Variants in AFG2A observed in about 807,000 individuals in gnomAD.
AFG2A encodes ATPase family gene 2 protein homolog A.
At chr4:123,202,446 C>T in the AFG2A span, among the ~76,000 whole-genome samples, 4 of 151,868 alleles carry the variant, frequency 2.6e-5, no homozygotes, top group Non-Finnish European at 5.9e-5. Flanking sequence ...TTTTTTCTTT[C>T]CTCTTATTTT....
chr4:123,064,619 A>G, the AFG2A span, among the ~76,000 whole-genome samples: 123 of 152,338 alleles, frequency 8.1e-4, 1 homozygote, highest in African/African-American at 2.7e-3. Flanking sequence ...AAAAGTGCAG[A>G]CATGTAGGGT....
chr4:123,022,788 A>G, the AFG2A span, among the ~76,000 whole-genome samples: 2 of 152,140 alleles, frequency 1.3e-5, no homozygotes, highest in African/African-American at 4.8e-5. Flanking sequence ...ACCAACCCAA[A>G]TGTCCAACAA....
At chr4:123,246,394 T>C in the AFG2A span, among the ~76,000 whole-genome samples, 1 of 152,284 alleles carries the variant, frequency 6.6e-6, no homozygotes, top group East Asian at 1.9e-4. Flanking sequence ...CCAGAATCAT[T>C]TACTTTCTTC....
At chr4:123,068,880 C>A in the AFG2A span, among the ~76,000 whole-genome samples, 1 of 152,122 alleles carries the variant, frequency 6.6e-6, no homozygotes. Context: ...GAGACTCTTA[C>A]ATAATTTTAT....
At chr4:122,976,624 CT>C in the AFG2A span, among the ~76,000 whole-genome samples, 1 of 152,190 alleles carries the variant, frequency 6.6e-6, no homozygotes, top group Non-Finnish European at 1.5e-5. Flanking sequence ...CTAGCCTCCC[CT>C]TTTAGATCTC....
the AFG2A span, among the ~76,000 whole-genome samples, chr4:123,121,129 A>G: frequency 3.7e-4 from 57 of 152,108 alleles, no homozygotes; most frequent in East Asian, 6.4e-3. Flanking sequence ...AAGTAAAATA[A>G]TAAATAAAAT....
chr4:123,282,674 T>C, the AFG2A span, among the ~76,000 whole-genome samples: 1 of 152,080 alleles, frequency 6.6e-6, no homozygotes, highest in Non-Finnish European at 1.5e-5. Flanking sequence ...GACAGGGCTC[T>C]ATGACTGGCT....
chr4:122,966,520 C>T, the AFG2A span, among the ~76,000 whole-genome samples: 2,166 of 152,284 alleles, frequency 0.014, 56 homozygotes, highest in African/African-American at 0.05. Context: ...GTTCCCCCTG[C>T]TTGGAATAGT....
the AFG2A span, among the ~76,000 whole-genome samples, chr4:123,121,864 T>G: frequency 6.6e-6 from 1 of 152,362 alleles, no homozygotes; most frequent in Non-Finnish European, 1.5e-5. Context: ...CCTCTTGAAG[T>G]ATAATGAACC....
the AFG2A span, among the ~76,000 whole-genome samples, chr4:122,944,686 C>T: frequency 2.0e-5 from 3 of 151,338 alleles, no homozygotes; most frequent in East Asian, 1.9e-4. Flanking sequence ...TGAGGAACTG[C>T]GTTCCTTTGG....
At chr4:123,232,927 G>A in the AFG2A span, among the ~76,000 whole-genome samples, 4 of 151,980 alleles carry the variant, frequency 2.6e-5, no homozygotes, top group Non-Finnish European at 4.4e-5. Flanking sequence ...CAGGTGCTTC[G>A]CAGTTCCTAC....
the AFG2A span, among the ~76,000 whole-genome samples, chr4:123,077,720 GA>G: frequency 2.6e-5 from 4 of 152,168 alleles, no homozygotes; most frequent in Non-Finnish European, 5.9e-5. Flanking sequence ...CTTTGCCCCT[GA>G]GGGAGGTAGA....
chr4:123,289,682 T>C, the AFG2A span, among the ~76,000 whole-genome samples: 4 of 152,204 alleles, frequency 2.6e-5, no homozygotes, highest in African/African-American at 9.6e-5. Context: ...ATCTGTTGTT[T>C]TTCTGTTTTT....
At chr4:123,072,526 G>A in the AFG2A span, among the ~76,000 whole-genome samples, 1 of 152,136 alleles carries the variant, frequency 6.6e-6, no homozygotes, top group Non-Finnish European at 1.5e-5. Context: ...CTTTTGAGGA[G>A]ATTATTTTTA....
the AFG2A span, among the ~76,000 whole-genome samples, chr4:123,202,886 G>A: frequency 3.3e-5 from 5 of 152,088 alleles, no homozygotes; most frequent in Non-Finnish European, 7.4e-5. Context: ...AGCTGGGCAC[G>A]ATGGCTTGCA....
At chr4:123,256,261 TGAG>T in the AFG2A span, 1 of 1,500,502 alleles carries the variant, frequency 6.7e-7, no homozygotes, top group Non-Finnish European at 9.1e-7. Context: ...TTGCTTGCCC[TGAG>T]GTGTTTTAAA....
At chr4:123,125,818 A>G in the AFG2A span, among the ~76,000 whole-genome samples, 1 of 152,124 alleles carries the variant, frequency 6.6e-6, no homozygotes, top group African/African-American at 2.4e-5. Flanking sequence ...AAAATTTGAA[A>G]TCTCAATTAT....
At chr4:122,943,587 C>T in the AFG2A span, among the ~76,000 whole-genome samples, 1 of 152,080 alleles carries the variant, frequency 6.6e-6, no homozygotes, top group South Asian at 2.1e-4. Context: ...GACTCTTTAT[C>T]CAGTTTGCCA....
the AFG2A span, among the ~76,000 whole-genome samples, chr4:123,213,368 C>T: frequency 3.1e-4 from 47 of 152,196 alleles, no homozygotes; most frequent in Middle Eastern, 3.4e-3. Context: ...CCTCTCTGTG[C>T]CCTAACAACA....
Sources: allele counts gnomAD v4.1 joint callset (sites outside exome capture counted in the v4.1 genomes callset), GRCh38; gene constraint gnomAD v4.1.1; transcripts MANE v1.5; gene names NCBI Gene and HGNC (gene_info 2026-07-23, HGNC 2026-07-21).